The following NDUFS7 variants were observed in gnomAD, a reference collection of about 807,000 sequenced individuals.
The protein encoded by NDUFS7 is NADH:ubiquinone oxidoreductase core subunit S7.
Under a neutral mutation model 31.1 loss-of-function variants are expected in NDUFS7, and 11 were observed. The ratio of observed to expected loss-of-function variants is 0.35; its 90% confidence interval spans 0.22 to 0.59. The LOEUF (loss-of-function observed/expected upper bound fraction) is 0.59, where lower values mean the gene tolerates loss of function less well. Ranked by LOEUF, NDUFS7 falls within the 20% of genes least tolerant of loss-of-function variation. NDUFS7 has a pLI of 0.79. For synonymous variants in NDUFS7, 136 were observed against 127.9 expected (o/e 1.06, Z -0.43); for missense variants, 263 against 324.2 (o/e 0.81, Z 1.45).
chr19:1,394,683 T>TC, intron 7 of NDUFS7: 1 of 1,199,902 alleles, frequency 8.3e-7, no homozygotes, highest in Non-Finnish European at 1.1e-6. Context: ...CGGACTGTGC[T>TC]GCTCCCTCCC....
In NDUFS7 at chr19:1,393,125, A is replaced by G; in HGVS notation, c.456-117A>G. On this transcript the variant is annotated intron_variant, in intron 6 of 7. Transcript: ENST00000233627. This position sits in a 1 kb window ranked among gnomAD's most constrained non-coding sequence, Gnocchi z 7.3. ...TCATTGCTTCTCCGTGACAAGTTCC[A>G]GCCTCGTAGGTGCCTGGCCTGCAGT... The G allele has an allele frequency of 1.3e-6, 1 of 786,820 alleles. No individual in the cohort carries two copies. Among genetic ancestry groups the G allele is most frequent in the Non-Finnish European group, 2.1e-6 (1 of 472,218 alleles). 48.7% of individuals were successfully genotyped at this position (786,820 alleles called of 1,614,324 possible).
rs2082571224 is a variant in NDUFS7, at chr19:1,393,388, G to A, written c.544+58G>A. 1 of 1,450,550 alleles carries A rather than the reference G, an allele frequency of 6.9e-7. No individual in the cohort carries two copies. Among genetic ancestry groups the A allele is most frequent in the East Asian group, 2.5e-5 (1 of 40,454 alleles). 89.9% of individuals were successfully genotyped at this position (1,450,550 alleles called of 1,614,324 possible). A position where few individuals can be genotyped will look rare whatever the true frequency, so the allele number is the denominator to read the frequency against. ...CTGGAGACAGGGCCAGCGCCACACG[G>A]AGCCCGGCGGCCCCTGTGAGGGAGT... On this transcript the variant is annotated intron_variant, in intron 7 of 7. Transcript: ENST00000233627. This position sits in a 1 kb window ranked among gnomAD's most constrained non-coding sequence, Gnocchi z 7.3.
In NDUFS7 at chr19:1,388,584, G is replaced by A. The variant is rs762352035; in HGVS notation, c.113G>A (p.Gly38Asp). ...RGVHQSVATD[G>D]PSSTQPALPK... The stretch of plus-strand genomic sequence containing the variant: ...GTCCATCAGAGCGTGGCCACCGATG[G>A]CCCAAGCAGGTGAAGCTGGCCTTCT... Residue 38 changes from glycine (G) to aspartate (D), a missense_variant, in exon 3 of 8, where the codon GGC becomes GAC. Transcript: ENST00000233627. The A allele has an allele frequency of 6.8e-6, 11 of 1,612,160 alleles. 1 individual carries two copies. The highest frequency in any genetic ancestry group is 1.8e-4 in the Middle Eastern group (1 of 5,692).
intron 7 of NDUFS7, chr19:1,394,415 C>T (rs1204174706): frequency 7.8e-7 from 1 of 1,289,230 alleles, no homozygotes; most frequent in East Asian, 5.6e-5. Flanking sequence ...TCCCTCCTTG[C>T]AGACTGAGCT....
chr19:1,387,925 GGT>G (rs1241792228), intron 2 of NDUFS7, 78 bp downstream of exon 2: 1 of 420,694 alleles, frequency 2.4e-6, no homozygotes, highest in East Asian at 6.8e-5. Context: ...GGGGGTGGGG[GGT>G]GGGGGGAGCG....
At chr19:1,389,232 TGCACTC>T in intron 4 of NDUFS7, 1 of 664,656 alleles carries the variant, frequency 1.5e-6, no homozygotes. Flanking sequence ...CATGCACACT[TGCACTC>T]ATGCACACTC....
chr19:1,394,520 C>G, intron 7 of NDUFS7: 1 of 1,265,480 alleles, frequency 7.9e-7, no homozygotes, highest in Admixed American at 2.4e-5. Flanking sequence ...GTGCTCCTCC[C>G]TCCCTCCCTG....
At chr19:1,392,483 C>G (rs1308295092) in intron 6 of NDUFS7, 1 of 152,478 alleles carries the variant, frequency 6.6e-6, no homozygotes, top group African/African-American at 2.4e-5. Context: ...AGCCCCGGTG[C>G]CCACACCTCC....
chr19:1,387,472 G>A (rs993420245), intron 1 of NDUFS7, among the ~76,000 whole-genome samples: 2 of 152,170 alleles, frequency 1.3e-5, no homozygotes, highest in South Asian at 4.1e-4. Flanking sequence ...CCCCCGCAGG[G>A]CAGCAGCCAG....
At position 1,390,895 on chromosome 19, in the gene NDUFS7, G is replaced by T; in HGVS notation, c.253G>T (p.Gly85Cys). 6.2e-7 allele frequency: 1 copy of T among 1,610,508 alleles called. No individual in the cohort carries two copies. Among genetic ancestry groups the T allele is most frequent in the South Asian group, 1.1e-5 (1 of 91,086 alleles). ...GAGTTCTCTGTGGCCCATGACCTTC[G>T]GCCTGGCCTGCTGCGCCGTGGAGAT... ...RRSSLWPMTF[G>C]LACCAVEMMH... The change falls in exon 5 of 8, where the codon GGC becomes TGC. Residue 85 changes from glycine to cysteine, a missense_variant. By Grantham distance (159) the Gly-to-Cys change is radical. Transcript: ENST00000233627.
chr19:1,389,578 G>C (rs1211900004), intron 4 of NDUFS7: 2 of 450,086 alleles, frequency 4.4e-6, no homozygotes, highest in East Asian at 1.4e-4. Context: ...CTCTTTTAAG[G>C]TGAAAGCAGT....
chr19:1,385,099 C>T (rs2082498791), intron 1 of NDUFS7, among the ~76,000 whole-genome samples: 1 of 152,168 alleles, frequency 6.6e-6, no homozygotes, highest in Non-Finnish European at 1.5e-5. Context: ...CCACGGCACC[C>T]AGCCTACGCT....
At chr19:1,389,883 GTTC>G in intron 4 of NDUFS7, 1 of 212,770 alleles carries the variant, frequency 4.7e-6, no homozygotes, top group South Asian at 6.4e-5. Context: ...ATGCAGGATA[GTTC>G]TTTTCTTTTT....
chr19:1,389,029 C>T (rs765488756), intron 4 of NDUFS7, 91 bp downstream of exon 4: 63 of 1,050,218 alleles, frequency 6.0e-5, no homozygotes, highest in Non-Finnish European at 8.5e-5. Context: ...CGTGCAGACA[C>T]GTACACACAC....
intron 6 of NDUFS7, chr19:1,391,712 C>T (rs2082559069): frequency 6.2e-6 from 1 of 162,042 alleles, no homozygotes; most frequent in Admixed American, 5.9e-5. Flanking sequence ...GTCTTGAACT[C>T]CCTCAGGTGA....
At chr19:1,384,300 C>T (rs887705448) in intron 1 of NDUFS7, 3 of 350,334 alleles carry the variant, frequency 8.6e-6, no homozygotes, top group African/African-American at 6.6e-5. Context: ...GCCTGACAGG[C>T]TGGGAAACTG....
intron 2 of NDUFS7, 67 bp downstream of exon 2, chr19:1,387,914 G>GT (rs2082519242): frequency 4.9e-6 from 2 of 405,652 alleles, no homozygotes; most frequent in African/African-American, 4.8e-5. Flanking sequence ...AACGGGGCGG[G>GT]GGGGGTGGGG....
chr19:1,392,783 C>A, intron 6 of NDUFS7: 1 of 213,790 alleles, frequency 4.7e-6, no homozygotes, highest in South Asian at 7.9e-5. Context: ...CTGTGGGAAG[C>A]AGTGCTGGGA....
chr19:1,388,470 G>T, intron 2 of NDUFS7, 55 bp from the exon 3 acceptor site: 3 of 1,512,416 alleles, frequency 2.0e-6, no homozygotes, highest in Non-Finnish European at 2.7e-6. Context: ...GAGTGCGGCT[G>T]GGGGAGCTGG....
Sources: gnomAD v4.1 joint callset for allele counts (sites outside exome capture counted in the v4.1 genomes callset) on GRCh38, gnomAD v4.1.1 for gene constraint, Gnocchi (gnomAD v3.1) non-coding constraint, MANE v1.5 for transcripts, NCBI Gene and HGNC (gene_info 2026-07-23, HGNC 2026-07-21) for gene names.